The following MOXD1 variants were observed in gnomAD, a reference collection of about 807,000 sequenced individuals.
The protein encoded by MOXD1 is monooxygenase DBH like 1, also known as DBH-like monooxygenase protein 1.
A neutral mutation model predicts 66.6 loss-of-function variants in MOXD1; 62 were observed. That is an observed-to-expected ratio of 0.93 (90% CI 0.76 to 1.15). MOXD1 has a LOEUF of 1.15. Ranked by LOEUF, MOXD1 falls within the 50% of genes most tolerant of loss-of-function variation. The pLI, the probability that MOXD1 is intolerant of heterozygous loss-of-function variation, is 0.00. For missense variants in MOXD1, 847 were observed against 754.6 expected (o/e 1.12, Z -1.44); for synonymous variants, 303 against 281.9 (o/e 1.07, Z -0.75).
chr6:132,328,420 C>T lies in MOXD1; in HGVS notation c.838G>A (p.Gly280Arg), dbSNP rs1286547207. The T allele has an allele frequency of 1.9e-6, 3 of 1,614,046 alleles. No homozygotes were observed. In the East Asian group the frequency reaches 6.7e-5, roughly 36 times the overall value. Residue 280 changes from glycine to arginine, a missense_variant, in exon 5 of 12, where the codon GGA (glycine) becomes AGA (arginine). By Grantham distance (125) the Gly-to-Arg change is moderately radical. Coordinates refer to ENST00000367963, the MANE Select transcript of MOXD1 (RefSeq NM_015529.4). ...ETVIFAWAIG[G>R]EGFSYPPHVG... The stretch of plus-strand genomic sequence containing the variant: ...TCAGTAATCATTAGCCCCACCTCTC[C>T]ACCAATAGCCCAGGCAAAAATCACA...
chr6:132,379,102 A>G (rs1156996796), intron 1 of MOXD1, among the ~76,000 whole-genome samples: 1 of 151,638 alleles, frequency 6.6e-6, no homozygotes, highest in African/African-American at 2.4e-5. Flanking sequence ...TCATGGACCT[A>G]GATGGGTATT....
At chr6:132,343,363 T>C (rs1289918875) in intron 4 of MOXD1, among the ~76,000 whole-genome samples, 1 of 152,096 alleles carries the variant, frequency 6.6e-6, no homozygotes, top group South Asian at 2.1e-4. Context: ...CCACCAGAGG[T>C]TGGGAGTTCA....
In MOXD1 at chr6:132,387,648, G is replaced by A. The variant is rs746630517; in HGVS notation, c.265-12871C>T. On this transcript the variant is annotated intron_variant, in intron 1 of 11. Transcript: ENST00000367963. ...GCACGCCTGTAATCCTAGCTACTCC[G>A]GAGGCTGAGGCAGGAGAATCATTTT... 1.7e-4 allele frequency among the ~76,000 whole-genome samples: 26 copies of A among 149,356 alleles called. 2 individuals are homozygous for A. Among genetic ancestry groups the A allele is most frequent in the African/African-American group, 2.7e-4 (11 of 40,872 alleles).
In MOXD1 at chr6:132,320,669, T is replaced by G; in HGVS notation, c.1325A>C (p.Glu442Ala). 6.2e-7 allele frequency: 1 copy of G among 1,611,142 alleles called. No individual in the cohort carries two copies. Among genetic ancestry groups the G allele is most frequent in the East Asian group, 2.2e-5 (1 of 44,718 alleles). Residue 442 changes from glutamate (E) to alanine (A), a missense_variant, in exon 9 of 12, where the codon GAG becomes GCG. Transcript: ENST00000367963. ...TILPGDNLIT[E>A]CRYNTKDRAE... is the part of the protein sequence containing the mutation. ...TCTATCTTTCGTGTTGTAGCGACACTCAGTAATTAGGTTATCTCCCTGAAA... is the reference window on the plus strand; with the variant it reads ...TCTATCTTTCGTGTTGTAGCGACACGCAGTAATTAGGTTATCTCCCTGAAA...
chr6:132,303,689 A>C (rs1774598714), intron 10 of MOXD1, among the ~76,000 whole-genome samples: 1 of 136,914 alleles, frequency 7.3e-6, no homozygotes, highest in Non-Finnish European at 1.6e-5. Flanking sequence ...CTGGGAAAGC[A>C]GAGGGCTGAC....
chr6:132,388,240 G>A (rs1776690914), intron 1 of MOXD1, among the ~76,000 whole-genome samples: 1 of 151,202 alleles, frequency 6.6e-6, no homozygotes, highest in Non-Finnish European at 1.5e-5. Context: ...AATTTTACAT[G>A]CCTATTTCAT....
intron 1 of MOXD1, among the ~76,000 whole-genome samples, chr6:132,376,406 C>T (rs762844711): frequency 3.3e-5 from 5 of 150,880 alleles, no homozygotes; most frequent in Non-Finnish European, 7.4e-5. Context: ...CAGGGTACCA[C>T]ATCTAGATTT....
At chr6:132,380,777 T>C (rs528094392) in intron 1 of MOXD1, among the ~76,000 whole-genome samples, 2 of 152,212 alleles carry the variant, frequency 1.3e-5, no homozygotes, top group African/African-American at 4.8e-5. Context: ...TGCTCTTAAT[T>C]ATATTTACAC....
chr6:132,352,526 T>G (rs950178928), intron 4 of MOXD1, among the ~76,000 whole-genome samples: 1 of 152,194 alleles, frequency 6.6e-6, no homozygotes, highest in African/African-American at 2.4e-5. Context: ...TTTCTTAAAT[T>G]TATTGAGGCT....
intron 8 of MOXD1, among the ~76,000 whole-genome samples, chr6:132,321,498 C>A (rs762067532): frequency 6.6e-6 from 1 of 152,030 alleles, no homozygotes; most frequent in Non-Finnish European, 1.5e-5. Context: ...GTTTTCCATC[C>A]TTTTGTACAT....
intron 4 of MOXD1, among the ~76,000 whole-genome samples, chr6:132,339,902 C>T (rs1775515320): frequency 6.9e-6 from 1 of 145,510 alleles, no homozygotes; most frequent in African/African-American, 2.6e-5. Context: ...TGGAGTCTCA[C>T]TCCGTCACCC....
chr6:132,396,511 G>A (rs1174975542), intron 1 of MOXD1, among the ~76,000 whole-genome samples: 1 of 150,962 alleles, frequency 6.6e-6, no homozygotes, highest in African/African-American at 2.4e-5. Context: ...AAATTAGTAG[G>A]AGAAAAGAAA....
chr6:132,385,475 T>TTA (rs1776609595), intron 1 of MOXD1, among the ~76,000 whole-genome samples: 1 of 134,672 alleles, frequency 7.4e-6, no homozygotes, highest in Non-Finnish European at 1.6e-5. Context: ...ATTATTATTA[T>TTA]TATTATTATT....
chr6:132,394,233 A>AGACT (rs1310111175), intron 1 of MOXD1, among the ~76,000 whole-genome samples: 3 of 152,192 alleles, frequency 2.0e-5, no homozygotes, highest in Admixed American at 2.0e-4. Flanking sequence ...AATTACACAG[A>AGACT]GACTATACAA....
chr6:132,388,928 T>G lies in MOXD1; in HGVS notation c.264+12235A>C, dbSNP rs182199701. ...GCAGCTGGTACCGGTTGACAAAAGG[T>G]GTGTAGGAATGGGAGAGGGCTATGA... On this transcript the variant is annotated intron_variant, in intron 1 of 11. Coordinates refer to ENST00000367963, the MANE Select transcript of MOXD1 (RefSeq NM_015529.4). 1.1e-4 allele frequency among the ~76,000 whole-genome samples: 17 copies of G among 151,246 alleles called. No individual in the cohort carries two copies. In the East Asian group the frequency reaches 3.1e-3, roughly 27 times the overall value.
chr6:132,374,249 G>A (rs540871668), intron 2 of MOXD1, among the ~76,000 whole-genome samples: 1 of 152,222 alleles, frequency 6.6e-6, no homozygotes, highest in East Asian at 1.9e-4. Context: ...TTACAAATCA[G>A]ATGAATTATA....
chr6:132,312,411 C>T (rs538966662), intron 10 of MOXD1, among the ~76,000 whole-genome samples: 2 of 152,174 alleles, frequency 1.3e-5, no homozygotes, highest in South Asian at 4.1e-4. Context: ...GCACCTAAGC[C>T]ATTTTTTGTT....
chr6:132,302,180 T>C (rs1036625066), intron 10 of MOXD1, among the ~76,000 whole-genome samples: 2 of 152,256 alleles, frequency 1.3e-5, no homozygotes, highest in South Asian at 2.1e-4. Flanking sequence ...CCAGAGCCTG[T>C]ATAGAGCTAG....
At chr6:132,381,856 AG>A in intron 1 of MOXD1, among the ~76,000 whole-genome samples, 1 of 152,284 alleles carries the variant, frequency 6.6e-6, no homozygotes, top group South Asian at 2.1e-4. Context: ...CAGATACTTA[AG>A]AAAACTTCCT....
Sources: allele counts gnomAD v4.1 joint callset (sites outside exome capture counted in the v4.1 genomes callset), GRCh38; gene constraint gnomAD v4.1.1; transcripts MANE v1.5; gene names NCBI Gene and HGNC (gene_info 2026-07-23, HGNC 2026-07-21).